The following TMEM209 variants were observed in gnomAD, a reference collection of about 807,000 sequenced individuals.
The protein encoded by TMEM209 is transmembrane protein 209.
In TMEM209, 65 loss-of-function variants were observed where a neutral mutation model predicts 76.2. The ratio of observed to expected loss-of-function variants is 0.85; its 90% CI spans 0.70 to 1.05. TMEM209 has a LOEUF of 1.05. Among genes scored for constraint, TMEM209 ranks in the 50% least tolerant of loss-of-function variants. TMEM209 has a pLI of 0.00. For missense variants in TMEM209, 623 were observed against 685.5 expected, an observed-to-expected ratio of 0.91 and a Z score of 1.02; for synonymous variants, 239 against 237.6, an observed-to-expected ratio of 1.01 and a Z score of -0.06.
intron 11 of TMEM209, 119 bp downstream of exon 11, chr7:130,175,393 T>G: frequency 1.1e-6 from 1 of 899,398 alleles, no homozygotes; most frequent in Non-Finnish European, 1.7e-6. Flanking sequence ...CCCTGGGAGA[T>G]CAAAGCTGCA....
intron 14 of TMEM209, 87 bp from the exon 15 acceptor site, chr7:130,166,592 CAT>C (rs1796890884): frequency 1.3e-6 from 1 of 745,844 alleles, no homozygotes; most frequent in Non-Finnish European, 2.1e-6. Context: ...ATGAATAATA[CAT>C]GTTTAACTGA....
Position 130,205,358 on chromosome 7 carries a change from A to T in TMEM209, c.3+15T>A. ...TTCCAAGACAGGAAGCACAAACACG[A>T]CCCCGAAAACGCACCATGTCCTCTG... is the stretch of plus-strand genomic sequence containing the variant. On this transcript the variant is annotated intron_variant, in intron 1 of 14. Coordinates refer to ENST00000397622, the MANE Select transcript of TMEM209 (RefSeq NM_032842.4). The T allele has an allele frequency of 6.2e-7, 1 of 1,613,590 alleles. No individual in the cohort carries two copies.
intron 10 of TMEM209, among the ~76,000 whole-genome samples, chr7:130,177,352 A>C (rs11763591): frequency 0.16 from 24,263 of 150,096 alleles, 2,366 homozygotes; most frequent in Middle Eastern, 0.24. Flanking sequence ...TGTCTCCAAA[A>C]AAAAAAAAAA....
chr7:130,174,913 A>C (rs184151801), intron 11 of TMEM209, among the ~76,000 whole-genome samples: 106 of 152,314 alleles, frequency 7.0e-4, no homozygotes, highest in Non-Finnish European at 1.3e-3. Flanking sequence ...GTAAAAAAAA[A>C]CCCTAAATAT....
intron 6 of TMEM209, among the ~76,000 whole-genome samples, chr7:130,187,425 GA>G (rs1797639570): frequency 6.6e-6 from 1 of 152,068 alleles, no homozygotes; most frequent in Admixed American, 6.6e-5. Flanking sequence ...TAGGCCTTGA[GA>G]AATCTATCAG....
chr7:130,182,962 T>TATA (rs1336477073), intron 8 of TMEM209, among the ~76,000 whole-genome samples: 2 of 152,178 alleles, frequency 1.3e-5, no homozygotes, highest in African/African-American at 4.8e-5. Flanking sequence ...TACTGAGTGT[T>TATA]AACTAGACTC....
At chr7:130,191,537 T>C (rs960222097) in intron 6 of TMEM209, among the ~76,000 whole-genome samples, 1 of 152,040 alleles carries the variant, frequency 6.6e-6, no homozygotes, top group Non-Finnish European at 1.5e-5. Flanking sequence ...AGTGATCACA[T>C]AGTAGACCTA....
intron 5 of TMEM209, among the ~76,000 whole-genome samples, chr7:130,200,413 T>C (rs1232551677): frequency 1.3e-5 from 2 of 152,194 alleles, no homozygotes; most frequent in Non-Finnish European, 2.9e-5. Context: ...CAATGTAAAT[T>C]GGTACAATTC....
Position 130,205,398 on chromosome 7 carries a change from G to A in TMEM209, c.-23C>T, listed in dbSNP as rs777975001. The A allele has an allele frequency of 1.9e-6, 3 of 1,613,650 alleles. No individual in the cohort carries two copies. Among genetic ancestry groups the A allele is most frequent in the South Asian group, 2.2e-5 (2 of 91,072 alleles). On this transcript the variant is annotated 5_prime_UTR_variant, in exon 1 of 15. Transcript: ENST00000397622. The stretch of plus-strand genomic sequence containing the variant: ...CATGTCCTCTGGCCGGAAAACGCAG[G>A]CTCGCGCCACTCTCTCTGGGCATGC...
chr7:130,199,383 A>G (rs2117030479), intron 5 of TMEM209, among the ~76,000 whole-genome samples: 1 of 152,146 alleles, frequency 6.6e-6, no homozygotes, highest in South Asian at 2.1e-4. Flanking sequence ...ACACCTGGCT[A>G]ATTTTTTGTA....
At chr7:130,200,999 G>T (rs1404247428) in intron 5 of TMEM209, among the ~76,000 whole-genome samples, 1 of 147,370 alleles carries the variant, frequency 6.8e-6, no homozygotes, top group African/African-American at 2.6e-5. Flanking sequence ...TGAGGCAGGA[G>T]AATGGCATGA....
Position 130,179,036 on chromosome 7 carries a change from C to T in TMEM209, c.1121-509G>A, listed in dbSNP as rs183662125. Among the ~76,000 whole-genome samples the T allele has an allele frequency of 1.1e-4, 17 of 152,264 alleles. No homozygotes were observed. In the East Asian group the frequency reaches 1.7e-3, roughly 16 times the overall value. Reference sequence around the variant, plus strand: ...CTCCTGGGTTCAAGCAATCCACCAACGCTGGACTCCCCAAGTGTTGAGATC... The same window carrying T: ...CTCCTGGGTTCAAGCAATCCACCAATGCTGGACTCCCCAAGTGTTGAGATC... On this transcript the variant is annotated intron_variant, in intron 9 of 14. Transcript: ENST00000397622.
chr7:130,177,824 AG>A (rs1171467405), intron 10 of TMEM209, among the ~76,000 whole-genome samples: 1 of 152,182 alleles, frequency 6.6e-6, no homozygotes, highest in Non-Finnish European at 1.5e-5. Context: ...CTCTAACCTT[AG>A]GGGAAAGGGA....
In TMEM209 at chr7:130,175,609, T is replaced by G; in HGVS notation, c.1247A>C (p.Glu416Ala). The G allele has an allele frequency of 6.2e-7, 1 of 1,609,882 alleles. No homozygotes were observed. The highest frequency in any genetic ancestry group is 8.5e-7 in the Non-Finnish European group (1 of 1,178,444). ...GCTCATACAACCTCCCTGAGATAGTTCTGTGGCAACAAGGTGAAATTTTTA... is the reference window on the plus strand; with the variant it reads ...GCTCATACAACCTCCCTGAGATAGTGCTGTGGCAACAAGGTGAAATTTTTA... ...NQEYLFERIK[E>A]LSQGGCMSSF... Residue 416 changes from glutamate to alanine, a missense_variant and splice_region_variant, in exon 11 of 15, where the codon GAA becomes GCA. Coordinates refer to ENST00000397622, the MANE Select transcript of TMEM209 (RefSeq NM_032842.4).
intron 3 of TMEM209, 35 bp downstream of exon 3, chr7:130,203,753 G>T (rs765246354): frequency 2.7e-5 from 42 of 1,543,982 alleles, no homozygotes; most frequent in Non-Finnish European, 3.7e-5. Flanking sequence ...TTTTTTATTG[G>T]TAAATGTAAG....
chr7:130,195,328 A>G (rs1797934502), intron 5 of TMEM209, among the ~76,000 whole-genome samples: 1 of 151,990 alleles, frequency 6.6e-6, no homozygotes, highest in South Asian at 2.1e-4. Context: ...GCCCCACTTT[A>G]CTTCTAAAGC....
At position 130,166,140 on chromosome 7, in the gene TMEM209, C is replaced by A; in HGVS notation, c.*311G>T. 5.0e-6 allele frequency: 1 copy of A among 199,220 alleles called. No homozygotes were observed. The highest frequency in any genetic ancestry group is 1.0e-5 in the Non-Finnish European group (1 of 99,634). 12.3% of individuals were successfully genotyped at this position (199,220 alleles called of 1,614,324 possible). The stretch of plus-strand genomic sequence containing the variant: ...TTTGGGGGTTACAATGAAAAAAAGA[C>A]TCAAAATCTATTTCATTAAGGGGAA... On this transcript the variant is annotated 3_prime_UTR_variant, in exon 15 of 15. Coordinates refer to ENST00000397622, the MANE Select transcript of TMEM209 (RefSeq NM_032842.4).
rs374527459 is a variant in TMEM209, at chr7:130,185,409, T to C, written c.776-42A>G. The C allele has an allele frequency of 4.2e-5, 66 of 1,567,314 alleles. No individual in the cohort carries two copies. In the African/African-American group the frequency reaches 8.2e-4, roughly 20 times the overall value. Reference sequence around the variant, plus strand: ...AAACAGTATCAGTGTGTTGTAGCAATTCTGACATCTACAGTTAACACTTAT... The same window carrying C: ...AAACAGTATCAGTGTGTTGTAGCAACTCTGACATCTACAGTTAACACTTAT... On this transcript the variant is annotated intron_variant, in intron 6 of 14. Coordinates refer to ENST00000397622, the MANE Select transcript of TMEM209 (RefSeq NM_032842.4).
Position 130,205,092 on chromosome 7 carries a change from C to T in TMEM209, c.3+281G>A, listed in dbSNP as rs996921575. 15 of 1,407,436 alleles carry T rather than the reference C, an allele frequency of 1.1e-5. No homozygotes were observed. In the African/African-American group the frequency reaches 1.9e-4, roughly 18 times the overall value. The allele number at this position is 1,407,436 out of a possible 1,614,324, so 87.2% of individuals were successfully genotyped here. A position where few individuals can be genotyped will look rare whatever the true frequency, so the allele number is the denominator to read the frequency against. ...CTCAACTCTTACAGACCGTGCAAAA[C>T]TTGTTCCAGCGACAAGCAGTCGTAT... On this transcript the variant is annotated intron_variant, in intron 1 of 14. Coordinates refer to ENST00000397622, the MANE Select transcript of TMEM209 (RefSeq NM_032842.4).
Sources: allele counts gnomAD v4.1 joint callset (sites outside exome capture counted in the v4.1 genomes callset), GRCh38; gene constraint gnomAD v4.1.1; transcripts MANE v1.5; gene names NCBI Gene and HGNC (gene_info 2026-07-23, HGNC 2026-07-21).